The following NRXN1 variants were observed in gnomAD, a reference collection of about 807,000 sequenced individuals.
The protein encoded by NRXN1 is neurexin 1.
NRXN1 carries 39 observed loss-of-function variants against 150.9 expected under a neutral mutation model. The observed-to-expected ratio is 0.26, with a 90% CI of 0.20 to 0.34. The LOEUF (loss-of-function observed/expected upper bound fraction) is 0.34. NRXN1 is among the 10% of genes least tolerant of loss of function. The probability of loss-of-function intolerance (pLI) is 1.00; values close to 1 mark genes in which losing one functional copy is unlikely to be tolerated. For synonymous variants in NRXN1, 924 were observed against 757.0 expected (o/e 1.22, Z -3.62); for missense variants, 1,815 against 1,949.9 (o/e 0.93, Z 1.30).
chr2:50,447,354 C>T (rs1214008823), intron 17 of NRXN1, among the ~76,000 whole-genome samples: 1 of 151,060 alleles, frequency 6.6e-6, no homozygotes, highest in Admixed American at 6.6e-5. Flanking sequence ...GTGGCACACA[C>T]CTGTAATTCC....
intron 17 of NRXN1, among the ~76,000 whole-genome samples, chr2:50,415,913 C>G (rs542806999): frequency 6.7e-6 from 1 of 148,502 alleles, no homozygotes; most frequent in Non-Finnish European, 1.5e-5. Flanking sequence ...ATTCTATATT[C>G]CTATTTTTAT....
At chr2:50,201,487 C>A (rs987877092) in intron 18 of NRXN1, among the ~76,000 whole-genome samples, 14 of 152,052 alleles carry the variant, frequency 9.2e-5, no homozygotes, top group African/African-American at 3.4e-4. Context: ...TTTAAATCTA[C>A]GTAACATGAG....
intron 18 of NRXN1, among the ~76,000 whole-genome samples, chr2:50,233,699 A>T (rs894764145): frequency 2.6e-5 from 4 of 152,108 alleles, no homozygotes; most frequent in African/African-American, 9.7e-5. Flanking sequence ...TCTAACTTTT[A>T]CAGATAAAAA....
At chr2:50,831,893 G>A (rs536795020) in intron 5 of NRXN1, among the ~76,000 whole-genome samples, 1 of 152,212 alleles carries the variant, frequency 6.6e-6, no homozygotes, top group Non-Finnish European at 1.5e-5. Context: ...CAGATGCACA[G>A]AGAAACAGCG....
intron 5 of NRXN1, among the ~76,000 whole-genome samples, chr2:50,807,403 A>G (rs1196084516): frequency 6.6e-6 from 1 of 152,168 alleles, no homozygotes; most frequent in Non-Finnish European, 1.5e-5. Context: ...TCACCCCAAA[A>G]GAGATTATAA....
intron 3 of NRXN1, among the ~76,000 whole-genome samples, chr2:50,925,062 TTATG>T (rs1686654411): frequency 1.3e-5 from 2 of 151,840 alleles, no homozygotes; most frequent in Non-Finnish European, 2.9e-5. Context: ...TAGTAAATCT[TTATG>T]TAGGAACTGT....
At chr2:50,612,860 G>C (rs1678422512) in intron 8 of NRXN1, among the ~76,000 whole-genome samples, 1 of 152,146 alleles carries the variant, frequency 6.6e-6, no homozygotes, top group Admixed American at 6.6e-5. Context: ...GCGTTATTGT[G>C]AAGACTTTTA....
rs144682919 is a variant in NRXN1 at position 51,001,959 on chromosome 2, C to T, written c.772+25543G>A. 2.7e-3 allele frequency among the ~76,000 whole-genome samples: 412 copies of T among 152,010 alleles called. 2 individuals are homozygous for T. The highest frequency in any genetic ancestry group is 9.2e-3 in the African/African-American group (380 of 41,516). ...TGGGAGGAAAGGAACATCCTTGTCTCTGAAGAAGGGTCACACAGAAGAATC... is the reference window on the plus strand; with the variant it reads ...TGGGAGGAAAGGAACATCCTTGTCTTTGAAGAAGGGTCACACAGAAGAATC... On this transcript the variant is annotated intron_variant, in intron 2 of 22. Transcript: ENST00000401669.
chr2:50,816,798 T>G (rs778025194), intron 5 of NRXN1, among the ~76,000 whole-genome samples: 8 of 152,262 alleles, frequency 5.3e-5, no homozygotes, highest in Non-Finnish European at 8.8e-5. Context: ...GAACTTTTGT[T>G]GAGTCATTCA....
chr2:50,907,293 T>C lies in NRXN1; in HGVS notation c.832+14576A>G, dbSNP rs575987689. Among the ~76,000 whole-genome samples, 17 of 152,164 alleles carry C rather than the reference T, an allele frequency of 1.1e-4. No homozygotes were observed. In the East Asian group the frequency reaches 3.3e-3, roughly 30 times the overall value. On this transcript the variant is annotated intron_variant, in intron 5 of 22. Coordinates refer to ENST00000401669, the MANE Select transcript of NRXN1 (RefSeq NM_001330078.2). ...AATCACATTTCTACATGGCGGTTCATTCTTCACTGAAACTCAGTATAAAAA... is the reference window on the plus strand; with the variant it reads ...AATCACATTTCTACATGGCGGTTCACTCTTCACTGAAACTCAGTATAAAAA...
chr2:50,750,521 A>C (rs926076742), intron 5 of NRXN1, among the ~76,000 whole-genome samples: 5 of 152,028 alleles, frequency 3.3e-5, no homozygotes, highest in Non-Finnish European at 1.5e-5. Context: ...CAGCAAACCA[A>C]CATGACACAT....
intron 5 of NRXN1, among the ~76,000 whole-genome samples, chr2:50,885,109 A>T (rs1212552432): frequency 6.6e-6 from 1 of 151,608 alleles, no homozygotes; most frequent in Admixed American, 6.6e-5. Flanking sequence ...ATAAAGCCAC[A>T]TTCTGTAACT....
chr2:50,115,016 T>C (rs1262731702), intron 18 of NRXN1, among the ~76,000 whole-genome samples: 2 of 151,886 alleles, frequency 1.3e-5, no homozygotes, highest in Non-Finnish European at 2.9e-5. Flanking sequence ...GGACTTTGTG[T>C]GATAATGATG....
chr2:50,370,453 G>A (rs1053229354), intron 17 of NRXN1, among the ~76,000 whole-genome samples: 12 of 151,884 alleles, frequency 7.9e-5, no homozygotes, highest in Non-Finnish European at 1.5e-5. Flanking sequence ...GTAAATGTCT[G>A]GTGCTGCTGT....
At chr2:49,925,440 A>T (rs913609617) in intron 22 of NRXN1, among the ~76,000 whole-genome samples, 3 of 152,156 alleles carry the variant, frequency 2.0e-5, no homozygotes, top group African/African-American at 4.8e-5. Context: ...ATCACTGAGA[A>T]ATCTCTGATG....
chr2:50,965,785 C>A (rs1473088841), intron 2 of NRXN1, among the ~76,000 whole-genome samples: 1 of 151,462 alleles, frequency 6.6e-6, no homozygotes, highest in African/African-American at 2.4e-5. Context: ...AAACATTATA[C>A]TATTTTAAAG....
chr2:51,016,878 G>C (rs1380233692), intron 2 of NRXN1, among the ~76,000 whole-genome samples: 1 of 152,094 alleles, frequency 6.6e-6, no homozygotes, highest in Non-Finnish European at 1.5e-5. Flanking sequence ...TGATAGACTG[G>C]ATAAAGAAAA....
intron 15 of NRXN1, among the ~76,000 whole-genome samples, chr2:50,494,176 G>C (rs963885287): frequency 6.6e-6 from 1 of 152,136 alleles, no homozygotes; most frequent in African/African-American, 2.4e-5. Context: ...GGCTTCTCTG[G>C]ACCCTCAATG....
chr2:50,101,908 A>C (rs914260343), intron 18 of NRXN1, among the ~76,000 whole-genome samples: 13 of 151,982 alleles, frequency 8.6e-5, no homozygotes, highest in Non-Finnish European at 1.8e-4. Context: ...CTTGAAATGC[A>C]TCCCAAGAGA....
Sources: allele counts gnomAD v4.1 joint callset (sites outside exome capture counted in the v4.1 genomes callset), GRCh38; gene constraint gnomAD v4.1.1; transcripts MANE v1.5; gene names NCBI Gene and HGNC (gene_info 2026-07-23, HGNC 2026-07-21).